The following FKBP5 variants were observed in gnomAD, a reference collection of about 807,000 sequenced individuals.
FKBP5 encodes the protein FKBP prolyl isomerase 5.
FKBP5 carries 23 observed loss-of-function variants against 50.5 expected under a neutral mutation model. The ratio of observed to expected loss-of-function variants is 0.46; its 90% CI spans 0.33 to 0.65. The LOEUF is 0.65. Among genes scored for constraint, FKBP5 ranks in the 30% least tolerant of loss-of-function variants. The probability of loss-of-function intolerance (pLI) is 0.02; values close to 1 mark genes in which losing one functional copy is unlikely to be tolerated. For synonymous variants in FKBP5, 176 were observed against 190.6 expected (o/e 0.92, Z 0.63); for missense variants, 411 against 553.1 (o/e 0.74, Z 2.58).
At chr6:35,645,702 G>T (rs537295221) in intron 1 of FKBP5, among the ~76,000 whole-genome samples, 4 of 152,214 alleles carry the variant, frequency 2.6e-5, no homozygotes, top group Non-Finnish European at 2.9e-5. Flanking sequence ...GTAGTATTTA[G>T]GGGTGAGGTG....
chr6:35,711,641 G>A (rs1766415479), intron 2 of FKBP5, among the ~76,000 whole-genome samples: 1 of 151,844 alleles, frequency 6.6e-6, no homozygotes, highest in Non-Finnish European at 1.5e-5. Context: ...GGAGAGGAGA[G>A]GAGAGGAAAG....
chr6:35,629,601 A>G (rs747333468), intron 3 of FKBP5, among the ~76,000 whole-genome samples: 8 of 152,194 alleles, frequency 5.3e-5, no homozygotes, highest in Non-Finnish European at 1.2e-4. Flanking sequence ...GCCAGACTAA[A>G]TTGTTACATA....
intron 6 of FKBP5, among the ~76,000 whole-genome samples, chr6:35,591,518 C>A (rs994248442): frequency 2.6e-4 from 39 of 151,902 alleles, no homozygotes; most frequent in African/African-American, 9.2e-4. Flanking sequence ...GTCTTTTTCT[C>A]TACTTGATTT....
In FKBP5 at chr6:35,705,239, T is replaced by TGTACAA. The variant is rs1388002064; in HGVS notation, c.-20+15088_-20+15089insTTGTAC. ...ATATATATATATATATATATATATATATATATATATATATATATATTTTTT... is the reference window on the plus strand; with the variant it reads ...ATATATATATATATATATATATATATGTACAAATATATATATATATATATATTTTTT... On this transcript the variant is annotated intron_variant, in intron 2 of 11. Coordinates refer to the FKBP5 transcript ENST00000536438. 2.0e-3 allele frequency among the ~76,000 whole-genome samples: 6 copies of TGTACAA among 3,032 alleles called. No individual in the cohort carries two copies. In the African/African-American group the frequency reaches 0.022, roughly 11 times the overall value. 2.0% of individuals were successfully genotyped at this position (3,032 alleles called of 152,430 possible).
At chr6:35,630,608 C>T (rs1193011645) in intron 3 of FKBP5, among the ~76,000 whole-genome samples, 1 of 152,214 alleles carries the variant, frequency 6.6e-6, no homozygotes, top group Admixed American at 6.5e-5. Flanking sequence ...CCAGGACCTA[C>T]TTCATTTCTG....
chr6:35,582,387 G>A (rs554175162), intron 8 of FKBP5: 217 of 770,498 alleles, frequency 2.8e-4, no homozygotes, highest in South Asian at 1.1e-3. Context: ...CATTTGGGGA[G>A]GGAATTAGGT....
chr6:35,579,448 ATCAGAACGATACATAACGAT>A (rs1443318389), intron 9 of FKBP5, among the ~76,000 whole-genome samples: 3 of 152,300 alleles, frequency 2.0e-5, no homozygotes, highest in African/African-American at 7.2e-5. Context: ...GTATAAATAT[ATCAGAACGATACATAACGAT>A]ACAGATGATA....
At chr6:35,688,691 G>C (rs1178130722) in intron 1 of FKBP5, 113 bp downstream of exon 1, 1 of 150,912 alleles carries the variant, frequency 6.6e-6, no homozygotes, top group Non-Finnish European at 1.5e-5. Context: ...GAAGCCGCGT[G>C]GGGGTGGGAG....
In FKBP5 at chr6:35,698,385, C is replaced by T. The variant is rs141057470; in HGVS notation, c.-20+21943G>A. Among the ~76,000 whole-genome samples, 1,188 of 152,114 alleles carry T rather than the reference C, an allele frequency of 7.8e-3. 17 individuals are homozygous for T. Among genetic ancestry groups the T allele is most frequent in the African/African-American group, 0.025 (1,042 of 41,500 alleles). On this transcript the variant is annotated intron_variant, in intron 2 of 11. Transcript: ENST00000536438. ...AAATAAGGCCGGGCGCGGTGGCTCA[C>T]GCCCGTATTCCCAACACTTTGGGAA...
intron 1 of FKBP5, among the ~76,000 whole-genome samples, chr6:35,683,568 T>C (rs1023486886): frequency 6.6e-6 from 1 of 151,286 alleles, no homozygotes; most frequent in African/African-American, 2.4e-5. Flanking sequence ...CAGGTTCAAG[T>C]AATTTGCTTG....
intron 2 of FKBP5, among the ~76,000 whole-genome samples, chr6:35,702,793 C>G (rs536076051): frequency 5.3e-5 from 8 of 151,986 alleles, no homozygotes; most frequent in Middle Eastern, 6.8e-3. Context: ...GAAAAATTAA[C>G]TAAAAATGGA....
intron 9 of FKBP5, among the ~76,000 whole-genome samples, chr6:35,579,301 C>A (rs1762346844): frequency 6.6e-6 from 1 of 152,126 alleles, no homozygotes; most frequent in South Asian, 2.1e-4. Flanking sequence ...AAAGAATGTA[C>A]AAAATAGTTG....
rs145214311 is a variant in FKBP5 at position 35,674,210 on chromosome 6, A to G, written c.-20+14594T>C. Among the ~76,000 whole-genome samples the G allele has an allele frequency of 4.7e-4, 71 of 152,358 alleles. No homozygotes were observed. In the East Asian group the frequency reaches 0.012, roughly 26 times the overall value. ...AAAGAGAAAGCCAAAAACATTTACA[A>G]AAATAAATGAGCAAATAAAGAAGCA... On this transcript the variant is annotated intron_variant, in intron 1 of 10. Transcript: ENST00000357266.
chr6:35,669,789 A>T (rs1472477170), intron 1 of FKBP5, among the ~76,000 whole-genome samples: 1 of 152,230 alleles, frequency 6.6e-6, no homozygotes, highest in East Asian at 1.9e-4. Flanking sequence ...CTTATAACTT[A>T]TGACTCAGAA....
intron 2 of FKBP5, among the ~76,000 whole-genome samples, chr6:35,701,401 A>G (rs998742711): frequency 1.6e-4 from 24 of 147,916 alleles, no homozygotes; most frequent in Admixed American, 1.1e-3. Flanking sequence ...CCGCCACTAC[A>G]CCCGGCTAAT....
intron 1 of FKBP5, among the ~76,000 whole-genome samples, chr6:35,669,052 G>A (rs899228382): frequency 6.6e-6 from 1 of 152,106 alleles, no homozygotes; most frequent in South Asian, 2.1e-4. Context: ...AAAAAAGTTT[G>A]ATCAATTAAT....
chr6:35,581,166 A>G lies in FKBP5; in HGVS notation c.841-945T>C, dbSNP rs994619036. 3 of 982,680 alleles carry G rather than the reference A, an allele frequency of 3.1e-6. No individual in the cohort carries two copies. The African/African-American group carries it at 5.3e-5, about 17-fold the overall frequency. The allele number at this position is 982,680 out of a possible 1,614,324, so 60.9% of individuals were successfully genotyped here. On this transcript the variant is annotated intron_variant, in intron 8 of 10. Transcript: ENST00000357266. ...TGACCCCTGATCTATAGGCAATGGG[A>G]ATATGAATAGTTGGATAGTAGCATA...
At chr6:35,644,399 C>A (rs1397257700) in intron 1 of FKBP5, among the ~76,000 whole-genome samples, 1 of 152,218 alleles carries the variant, frequency 6.6e-6, no homozygotes, top group Non-Finnish European at 1.5e-5. Flanking sequence ...CAGAAAATGT[C>A]TTATTGATAC....
chr6:35,616,387 C>T (rs189737557), intron 5 of FKBP5, among the ~76,000 whole-genome samples: 90 of 146,640 alleles, frequency 6.1e-4, no homozygotes, highest in African/African-American at 2.3e-3. Context: ...CAGAAAACGA[C>T]AGTAGTGTAG....
Sources: allele counts gnomAD v4.1 joint callset (sites outside exome capture counted in the v4.1 genomes callset), GRCh38; gene constraint gnomAD v4.1.1; transcripts MANE v1.5; gene names NCBI Gene and HGNC (gene_info 2026-07-23, HGNC 2026-07-21).